USP36: variants seen among roughly 807,000 people sequenced by gnomAD.
The protein encoded by USP36 is ubiquitin carboxyl-terminal hydrolase 36.
USP36 carries 59 observed loss-of-function variants against 111.5 expected under a neutral mutation model. The observed-to-expected ratio is 0.53, with a 90% CI of 0.43 to 0.66. The LOEUF (loss-of-function observed/expected upper bound fraction) is 0.66, where lower values mean the gene tolerates loss of function less well. Ranked by LOEUF, USP36 falls within the 30% of genes least tolerant of loss-of-function variation. The probability of loss-of-function intolerance (pLI) is 0.00; values close to 1 mark genes in which losing one functional copy is unlikely to be tolerated. For missense variants in USP36, 1,488 were observed against 1,468.0 expected (o/e 1.01, Z -0.22); for synonymous variants, 628 against 581.0 (o/e 1.08, Z -1.16).
intron 4 of USP36, among the ~76,000 whole-genome samples, chr17:78,829,252 AC>A (rs2067858814): frequency 1.3e-5 from 2 of 152,200 alleles, no homozygotes; most frequent in Admixed American, 1.3e-4. Flanking sequence ...TCTCACCATC[AC>A]AACCTCACAC....
intron 4 of USP36, 60 bp downstream of exon 4, chr17:78,835,220 C>G (rs2068548272): frequency 6.5e-7 from 1 of 1,542,270 alleles, no homozygotes; most frequent in Admixed American, 1.8e-5. Context: ...GCCACAAGTG[C>G]ATGGGCTTAT....
chr17:78,815,232 T>C (rs1057245999), intron 10 of USP36, among the ~76,000 whole-genome samples: 1 of 152,038 alleles, frequency 6.6e-6, no homozygotes, highest in Non-Finnish European at 1.5e-5. Context: ...CTCAGGAGGC[T>C]GAGGCAGGAG....
At chr17:78,791,414 C>T (rs1458042002), downstream of USP36, among the ~76,000 whole-genome samples, 1 of 152,178 alleles carries the variant, frequency 6.6e-6, no homozygotes, top group African/African-American at 2.4e-5. Flanking sequence ...CCACCGTGCC[C>T]GGCCCTGGCC....
chr17:78,826,126 T>C (rs188288464), intron 6 of USP36, among the ~76,000 whole-genome samples: 1 of 152,298 alleles, frequency 6.6e-6, no homozygotes, highest in Non-Finnish European at 1.5e-5. Context: ...CAAGGAAGCT[T>C]GAGCCCCTTC....
intron 2 of USP36, among the ~76,000 whole-genome samples, chr17:78,837,344 A>G (rs1163143019): frequency 6.6e-6 from 1 of 152,046 alleles, no homozygotes; most frequent in Non-Finnish European, 1.5e-5. Context: ...GAAGAAGAAA[A>G]GCCAAGCAGG....
At chr17:78,794,050 T>G (rs1450825038), downstream of USP36, among the ~76,000 whole-genome samples, 3 of 152,196 alleles carry the variant, frequency 2.0e-5, no homozygotes, top group Non-Finnish European at 4.4e-5. Context: ...GCAGAAATCA[T>G]CTTAAACTCC....
At chr17:78,831,940 C>CT (rs1229288509) in intron 4 of USP36, among the ~76,000 whole-genome samples, 1 of 78,194 alleles carries the variant, frequency 1.3e-5, no homozygotes, top group East Asian at 4.9e-4. Flanking sequence ...GAGAGCTTGT[C>CT]TCAAAAAAAA....
chr17:78,817,480 C>T (rs1027544176), intron 10 of USP36, among the ~76,000 whole-genome samples: 5 of 152,148 alleles, frequency 3.3e-5, no homozygotes, highest in Non-Finnish European at 7.3e-5. Flanking sequence ...ATCTACTGGG[C>T]ACGGTGGCTC....
Position 78,803,914 on chromosome 17 carries a change from AT to A in USP36, c.2280del (p.Leu761CysfsTer136). 1 of 877,278 alleles carries A rather than the reference AT, an allele frequency of 1.1e-6. No individual in the cohort carries two copies. Among genetic ancestry groups the A allele is most frequent in the Admixed American group, 2.4e-5 (1 of 42,442 alleles). The allele number at this position is 877,278 out of a possible 1,614,324, so 54.3% of individuals were successfully genotyped here. ...GGGGGCTTGGGGGTACTGGACAGCA[AT>A]GTGGGGTGGGGGCTGAAGGGGGGTT... Reference protein sequence around the residue: ...RLQPPFSPHPTLLSSTPKPPG... With the variant: ...RLQPPFSPHPXLLSSTPKPPG... On this transcript the variant is annotated frameshift_variant, in exon 16 of 21. Coordinates refer to ENST00000449938, the MANE Select transcript of USP36 (RefSeq NM_001385174.1). LOFTEE classifies it high-confidence loss of function. The surrounding 1 kb of genome is among the most constrained non-coding windows in gnomAD (Gnocchi z 4.6).
intron 2 of USP36, among the ~76,000 whole-genome samples, 175 bp from the exon 3 acceptor site, chr17:78,836,547 T>C (rs2068690125): frequency 1.3e-5 from 2 of 152,080 alleles, no homozygotes. Context: ...CACTAATCAC[T>C]TGGACATATT....
intron 4 of USP36, among the ~76,000 whole-genome samples, chr17:78,831,385 G>A (rs976097561): frequency 2.0e-5 from 3 of 151,912 alleles, no homozygotes; most frequent in African/African-American, 7.3e-5. Context: ...GGGTGAGGCG[G>A]GTGGAACACG....
chr17:78,826,413 C>T (rs1387812949), intron 6 of USP36: 1 of 152,158 alleles, frequency 6.6e-6, no homozygotes, highest in Non-Finnish European at 1.5e-5. Flanking sequence ...AGCTACTGCA[C>T]TCCAGCCTGG....
In USP36 at chr17:78,807,581, G is replaced by C; in HGVS notation, c.1463C>G (p.Pro488Arg). ...KPHTTEEIGV[P>R]ISRNGSTLGL... The stretch of plus-strand genomic sequence containing the variant: ...CAGGGTGGAGCCATTCCTGGATATG[G>C]GCACACCAATCTCTTCAGTGGTGTG... The change falls in exon 14 of 21, where the codon CCC becomes CGC. Residue 488 changes from proline to arginine, a missense_variant. Physicochemically the swap from Pro to Arg is moderately radical, Grantham distance 103. Coordinates refer to ENST00000449938, the MANE Select transcript of USP36 (RefSeq NM_001385174.1). 1.3e-6 allele frequency: 2 copies of C among 1,596,868 alleles called. No homozygotes were observed. Among genetic ancestry groups the C allele is most frequent in the Non-Finnish European group, 1.7e-6 (2 of 1,171,732 alleles).
chr17:78,806,915 A>G, intron 14 of USP36, 44 bp downstream of exon 14: 2 of 1,594,128 alleles, frequency 1.3e-6, no homozygotes, highest in Non-Finnish European at 1.7e-6. Flanking sequence ...CAACTCTTGG[A>G]GCTCTCCTGA....
chr17:78,814,575 G>A (rs768897457), intron 10 of USP36, 23 bp from the exon 11 acceptor site: 2 of 1,605,006 alleles, frequency 1.2e-6, no homozygotes, highest in East Asian at 4.5e-5. Context: ...TCAAGGAAAA[G>A]ACAAATAAAA....
chr17:78,797,917 C>T (rs556957449), intron 20 of USP36, 38 bp from the exon 21 acceptor site: 7 of 159,000 alleles, frequency 4.4e-5, no homozygotes, highest in East Asian at 1.8e-4. Context: ...CAGAGAGAAA[C>T]GAGACCCGAA....
chr17:78,801,390 A>G (rs897918792), intron 17 of USP36, among the ~76,000 whole-genome samples: 22 of 152,180 alleles, frequency 1.4e-4, no homozygotes, highest in African/African-American at 5.3e-4. Context: ...TCCTTTCTTA[A>G]GAGTTGGATA....
In USP36 at chr17:78,803,096, G is replaced by A. The variant is rs147551808; in HGVS notation, c.2810+289C>T. ...TGGGACTATAGGTGCATGCCACCAT[G>A]CCCAACCAATTTTTGTTTTTGGTAG... is the stretch of plus-strand genomic sequence containing the variant. On this transcript the variant is annotated intron_variant, in intron 16 of 20. Transcript: ENST00000449938. The surrounding 1 kb of genome is among the most constrained non-coding windows in gnomAD (Gnocchi z 4.6). Among the ~76,000 whole-genome samples, 434 of 152,086 alleles carry A rather than the reference G, an allele frequency of 2.9e-3. 3 individuals carry two copies. The highest frequency in any genetic ancestry group is 9.5e-3 in the African/African-American group (393 of 41,462).
In USP36 at chr17:78,807,478, G is replaced by A. The variant is rs1047521752; in HGVS notation, c.1566C>T (p.Pro522=). ...GSPSPKLSQT[P]THMPTILDDP... ...CGTCTAGGATGGTTGGCATGTGTGT[G>A]GGTGTCTGGGAGAGTTTGGGGGAAG... is the stretch of plus-strand genomic sequence containing the variant. The change falls in exon 14 of 21, where the codon CCC becomes CCT. Residue 522 remains proline, a synonymous_variant. Transcript: ENST00000449938. The A allele has an allele frequency of 8.1e-6, 13 of 1,613,946 alleles. No individual in the cohort carries two copies. Among genetic ancestry groups the A allele is most frequent in the East Asian group, 4.5e-5 (2 of 44,892 alleles).
Sources: allele counts gnomAD v4.1 joint callset (sites outside exome capture counted in the v4.1 genomes callset), GRCh38; gene constraint gnomAD v4.1.1; non-coding constraint Gnocchi (gnomAD v3.1); transcripts MANE v1.5; gene names NCBI Gene and HGNC (gene_info 2026-07-23, HGNC 2026-07-21).